Variants in CPM observed in about 807,000 individuals in gnomAD.
The protein encoded by CPM is carboxypeptidase M.
Under a neutral mutation model 46.4 loss-of-function variants are expected in CPM, and 35 were observed. The observed-to-expected ratio is 0.75, with a 90% CI of 0.58 to 1.00. CPM has a LOEUF of 1.00. Ranked by LOEUF, CPM falls within the 50% of genes least tolerant of loss-of-function variation. CPM has a pLI of 0.00. For synonymous variants in CPM, 195 were observed against 195.3 expected (o/e 1.00, Z 0.01); for missense variants, 422 against 530.4 (o/e 0.80, Z 2.01).
At chr12:68,897,640 G>T (rs1419623689) in intron 2 of CPM, among the ~76,000 whole-genome samples, 1 of 151,656 alleles carries the variant, frequency 6.6e-6, no homozygotes, top group African/African-American at 2.4e-5. Flanking sequence ...AGGAGGCTTG[G>T]GCAGGAGAAT....
rs1424342546 is a variant in CPM, at chr12:68,891,970, C to T, written c.161-6081G>A. ...CAGGCTGGTCTCGAACTCCTGACCT[C>T]AAGTGATCTGCCCACCTTGGCCTCC... On this transcript the variant is annotated intron_variant, in intron 2 of 8. Transcript: ENST00000551568. Among the ~76,000 whole-genome samples the T allele has an allele frequency of 2.0e-5, 3 of 152,152 alleles. No individual in the cohort carries two copies. The East Asian group carries it at 5.8e-4, about 29-fold the overall frequency.
chr12:68,856,701 T>C (rs3741599), intron 8 of CPM, 22 bp from the exon 9 acceptor site: 303,558 of 1,609,374 alleles, frequency 0.19, 30,277 homozygotes, highest in Middle Eastern at 0.26. Context: ...CAAGAGACAA[T>C]TATATGAGTG....
chr12:68,913,771 T>A (rs1159591611), intron 2 of CPM: 1 of 526,802 alleles, frequency 1.9e-6, no homozygotes, highest in East Asian at 4.3e-5. Context: ...TCCTATAAAA[T>A]CCCATGCGGA....
chr12:68,856,726 G>A (rs566257283), intron 8 of CPM, 47 bp from the exon 9 acceptor site: 76 of 1,593,604 alleles, frequency 4.8e-5, no homozygotes, highest in Non-Finnish European at 5.2e-5. Flanking sequence ...AAGATGGTTC[G>A]TGGTGCCCAC....
chr12:68,868,655 A>G (rs1028848382), intron 6 of CPM, among the ~76,000 whole-genome samples: 2 of 151,880 alleles, frequency 1.3e-5, no homozygotes, highest in African/African-American at 4.8e-5. Flanking sequence ...CCTGTCCCTT[A>G]CCCGGCTGTC....
At chr12:68,915,822 T>C (rs1305635579) in intron 2 of CPM, among the ~76,000 whole-genome samples, 3 of 152,244 alleles carry the variant, frequency 2.0e-5, no homozygotes, top group Non-Finnish European at 4.4e-5. Flanking sequence ...ATCTATCACC[T>C]ACCAAGATAT....
At chr12:68,878,385 C>G (rs540711479) in intron 3 of CPM, among the ~76,000 whole-genome samples, 25 of 152,330 alleles carry the variant, frequency 1.6e-4, no homozygotes, top group Middle Eastern at 3.4e-3. Flanking sequence ...CCAAGCCTCC[C>G]CAATTGCTCA....
chr12:68,895,313 A>G (rs1250336647), intron 2 of CPM, among the ~76,000 whole-genome samples: 3 of 152,132 alleles, frequency 2.0e-5, no homozygotes, highest in African/African-American at 7.2e-5. Flanking sequence ...TTAAGGGCTG[A>G]TGCATGATTT....
chr12:68,917,708 G>A (rs1887867471), intron 2 of CPM, among the ~76,000 whole-genome samples: 2 of 152,206 alleles, frequency 1.3e-5, no homozygotes, highest in South Asian at 4.1e-4. Context: ...TATCAAGACA[G>A]TATCATTGTT....
chr12:68,905,212 AATAT>A (rs10568993), intron 2 of CPM, among the ~76,000 whole-genome samples: 2,577 of 151,070 alleles, frequency 0.017, 78 homozygotes, highest in African/African-American at 0.06. Context: ...ACCCGGCCAA[AATAT>A]AGAAACATTT....
rs143176483 is a variant in CPM at position 68,938,792 on chromosome 12, G to C, written c.-3-5952C>G. Among the ~76,000 whole-genome samples, 7 of 151,120 alleles carry C rather than the reference G, an allele frequency of 4.6e-5. No individual in the cohort carries two copies. In the East Asian group the frequency reaches 1.4e-3, roughly 29 times the overall value. ...AAAGCCAGTTCAAAGAAAGACATGA[G>C]AAAATATGTGTGTATACACACACAC... On this transcript the variant is annotated intron_variant, in intron 1 of 8. Transcript: ENST00000546373.
At chr12:68,843,239 A>C (rs1317511504) in intron 5 of CPM, 1 of 225,944 alleles carries the variant, frequency 4.4e-6, no homozygotes, top group Non-Finnish European at 8.8e-6. Flanking sequence ...TATGAACTCC[A>C]AATAATGCTT....
chr12:68,962,353 G>A (rs1252717888), intron 1 of CPM, among the ~76,000 whole-genome samples: 2 of 152,036 alleles, frequency 1.3e-5, no homozygotes, highest in Non-Finnish European at 2.9e-5. Flanking sequence ...TAAAATGAAG[G>A]CCTCAGAAGC....
chr12:68,926,555 ATTTAT>A (rs1490304180), intron 2 of CPM, among the ~76,000 whole-genome samples: 1 of 151,610 alleles, frequency 6.6e-6, no homozygotes, highest in African/African-American at 2.4e-5. Flanking sequence ...ATTTTTATTT[ATTTAT>A]TTTATTTTAT....
chr12:68,872,020 A>G, intron 3 of CPM, 64 bp from the exon 4 acceptor site: 2 of 1,557,268 alleles, frequency 1.3e-6, no homozygotes, highest in Non-Finnish European at 1.8e-6. Flanking sequence ...AGCACTCCCT[A>G]CGGTACAAAT....
intron 3 of CPM, among the ~76,000 whole-genome samples, chr12:68,882,024 C>CTGTTTT (rs61409146): frequency 4.8e-5 from 6 of 124,766 alleles, no homozygotes; most frequent in Non-Finnish European, 8.4e-5. Context: ...GCCCGGCCTG[C>CTGTTTT]TTTTTTTTTT....
At chr12:68,863,081 G>A (rs1885279807) in intron 7 of CPM, among the ~76,000 whole-genome samples, 2 of 152,206 alleles carry the variant, frequency 1.3e-5, no homozygotes, top group Admixed American at 1.3e-4. Context: ...AGCTGGGACA[G>A]TACTTAGGAG....
intron 2 of CPM, among the ~76,000 whole-genome samples, chr12:68,928,478 T>C (rs1473259975): frequency 6.6e-6 from 1 of 152,234 alleles, no homozygotes; most frequent in Non-Finnish European, 1.5e-5. Flanking sequence ...TTAGCTATGT[T>C]ATCTTCAGCA....
chr12:68,917,805 C>A (rs1887871663), intron 2 of CPM, among the ~76,000 whole-genome samples: 1 of 152,146 alleles, frequency 6.6e-6, no homozygotes, highest in Non-Finnish European at 1.5e-5. Flanking sequence ...ACGACCAGCT[C>A]CCTTGACCAG....
Sources: allele counts gnomAD v4.1 joint callset (sites outside exome capture counted in the v4.1 genomes callset), GRCh38; gene constraint gnomAD v4.1.1; transcripts MANE v1.5; gene names NCBI Gene and HGNC (gene_info 2026-07-23, HGNC 2026-07-21).